The following LUZP2 variants were observed in gnomAD, a reference collection of about 807,000 sequenced individuals.
The protein encoded by LUZP2 is leucine zipper protein 2.
In LUZP2, 52 loss-of-function variants were observed where a neutral mutation model predicts 51.6. The ratio of observed to expected loss-of-function variants is 1.01; its 90% CI spans 0.81 to 1.27. The LOEUF is 1.27. Ranked by LOEUF, LUZP2 falls within the 50% of genes most tolerant of loss-of-function variation. The pLI, the probability that LUZP2 is intolerant of heterozygous loss-of-function variation, is 0.00. For synonymous variants in LUZP2, 154 were observed against 137.3 expected (o/e 1.12, Z -0.85); for missense variants, 436 against 395.4 (o/e 1.10, Z -0.87).
intron 5 of LUZP2, among the ~76,000 whole-genome samples, chr11:24,767,266 C>T (rs570392882): frequency 2.0e-5 from 3 of 152,158 alleles, no homozygotes; most frequent in South Asian, 4.1e-4. Flanking sequence ...TAATCTAAGT[C>T]TCTAGTTCTA....
intron 10 of LUZP2, among the ~76,000 whole-genome samples, chr11:25,069,153 CAT>C (rs1288241962): frequency 6.6e-6 from 1 of 151,802 alleles, no homozygotes; most frequent in African/African-American, 2.4e-5. Flanking sequence ...GAGACTGCAA[CAT>C]GTGAGGTGCT....
chr11:24,510,515 T>A (rs1161909730), intron 1 of LUZP2, among the ~76,000 whole-genome samples: 1 of 152,164 alleles, frequency 6.6e-6, no homozygotes, highest in Non-Finnish European at 1.5e-5. Flanking sequence ...TAAATTTAGT[T>A]CTCTCACACA....
At chr11:24,815,001 A>AT (rs1850135266) in intron 5 of LUZP2, among the ~76,000 whole-genome samples, 1 of 145,708 alleles carries the variant, frequency 6.9e-6, no homozygotes, top group African/African-American at 2.6e-5. Context: ...CAAAAAAAAA[A>AT]AAAAATAAAA....
intron 7 of LUZP2, 87 bp from the exon 8 acceptor site, chr11:24,976,504 A>G (rs1202086566): frequency 1.3e-5 from 10 of 746,592 alleles, no homozygotes; most frequent in Non-Finnish European, 2.0e-5. Flanking sequence ...CTCTCTTTTT[A>G]CAATTCTTTG....
chr11:24,741,115 C>T (rs1182899180), intron 4 of LUZP2, among the ~76,000 whole-genome samples: 2 of 152,062 alleles, frequency 1.3e-5, no homozygotes, highest in African/African-American at 4.8e-5. Context: ...ATTTCCTCAA[C>T]TCTATTTACA....
chr11:24,856,241 C>A (rs1036688138), intron 5 of LUZP2, among the ~76,000 whole-genome samples: 1 of 151,596 alleles, frequency 6.6e-6, no homozygotes, highest in African/African-American at 2.4e-5. Flanking sequence ...AGGAACTTAA[C>A]AACAAGAAAC....
At chr11:24,951,560 G>A (rs898890603) in intron 7 of LUZP2, among the ~76,000 whole-genome samples, 10 of 151,416 alleles carry the variant, frequency 6.6e-5, no homozygotes, top group African/African-American at 2.2e-4. Context: ...ATTGTTCCAC[G>A]TTTGTGCTTC....
intron 1 of LUZP2, among the ~76,000 whole-genome samples, chr11:24,624,597 G>A (rs571486086): frequency 1.3e-5 from 2 of 152,216 alleles, no homozygotes; most frequent in African/African-American, 2.4e-5. Context: ...TGGTAATGGC[G>A]AGAGGTTATT....
At chr11:24,537,169 A>G in intron 1 of LUZP2, among the ~76,000 whole-genome samples, 1 of 151,936 alleles carries the variant, frequency 6.6e-6, no homozygotes, top group East Asian at 1.9e-4. Flanking sequence ...AGTTTGAAAT[A>G]TTGTGAGAAT....
At chr11:24,591,578 A>T (rs1590215817) in intron 1 of LUZP2, among the ~76,000 whole-genome samples, 1 of 152,186 alleles carries the variant, frequency 6.6e-6, no homozygotes, top group African/African-American at 2.4e-5. Flanking sequence ...TCAAAGTCTG[A>T]CTTTGCCTGT....
intron 1 of LUZP2, among the ~76,000 whole-genome samples, chr11:24,665,927 ATTTT>A (rs111999558): frequency 5.3e-5 from 8 of 151,972 alleles, no homozygotes; most frequent in African/African-American, 1.7e-4. Flanking sequence ...GTTTGTTTCC[ATTTT>A]TTTTACTACT....
intron 5 of LUZP2, among the ~76,000 whole-genome samples, chr11:24,855,787 A>T (rs1851548079): frequency 1.3e-5 from 2 of 152,122 alleles, no homozygotes; most frequent in Non-Finnish European, 2.9e-5. Context: ...GGAGAAGAGA[A>T]AACTCAGAAA....
chr11:24,594,548 T>G (rs1853368275), intron 1 of LUZP2, among the ~76,000 whole-genome samples: 1 of 152,122 alleles, frequency 6.6e-6, no homozygotes, highest in Non-Finnish European at 1.5e-5. Flanking sequence ...CCTTTCTCTC[T>G]CTTACTTAAC....
intron 1 of LUZP2, among the ~76,000 whole-genome samples, chr11:24,664,562 G>T (rs998146221): frequency 6.6e-6 from 1 of 152,060 alleles, no homozygotes; most frequent in African/African-American, 2.4e-5. Context: ...CAGGTCTAAG[G>T]CCTAGGAGGG....
At chr11:24,792,195 G>T (rs1443659267) in intron 5 of LUZP2, among the ~76,000 whole-genome samples, 1 of 152,010 alleles carries the variant, frequency 6.6e-6, no homozygotes, top group Non-Finnish European at 1.5e-5. Flanking sequence ...TTGGGAGGTG[G>T]AGGCAGGCGG....
At chr11:24,845,840 A>G (rs1456476406) in intron 5 of LUZP2, among the ~76,000 whole-genome samples, 1 of 152,132 alleles carries the variant, frequency 6.6e-6, no homozygotes, top group Non-Finnish European at 1.5e-5. Context: ...ATGTGGAACC[A>G]TAAGTCTACG....
intron 4 of LUZP2, among the ~76,000 whole-genome samples, chr11:24,747,110 T>TG (rs1859410590): frequency 1.3e-5 from 2 of 151,932 alleles, no homozygotes; most frequent in South Asian, 4.1e-4. Flanking sequence ...TTTTTGGGGG[T>TG]GTTAAAGAGC....
chr11:24,499,793 A>G (rs968859350), intron 1 of LUZP2, among the ~76,000 whole-genome samples: 1 of 152,232 alleles, frequency 6.6e-6, no homozygotes, highest in Non-Finnish European at 1.5e-5. Flanking sequence ...TTGTTTCATT[A>G]TATCTTTCTC....
At position 24,611,223 on chromosome 11, in the gene LUZP2, C is replaced by T. The variant is rs1351975596; in HGVS notation, c.62+113918C>T. Reference sequence around the variant, plus strand: ...TTACTTTGTGCCGAGGTTGTGCTAGCTACTAAGACTGTAATGGTGCCTATA... The same window carrying T: ...TTACTTTGTGCCGAGGTTGTGCTAGTTACTAAGACTGTAATGGTGCCTATA... On this transcript the variant is annotated intron_variant, in intron 1 of 11. Transcript: ENST00000336930. The surrounding 1 kb of genome is among the most constrained non-coding windows in gnomAD (Gnocchi z 4.6). Among the ~76,000 whole-genome samples the T allele has an allele frequency of 1.3e-5, 2 of 152,002 alleles. No individual in the cohort carries two copies. The highest frequency in any genetic ancestry group is 2.9e-5 in the Non-Finnish European group (2 of 68,004).
Sources: allele counts gnomAD v4.1 joint callset (sites outside exome capture counted in the v4.1 genomes callset), GRCh38; gene constraint gnomAD v4.1.1; non-coding constraint Gnocchi (gnomAD v3.1); transcripts MANE v1.5; gene names NCBI Gene and HGNC (gene_info 2026-07-23, HGNC 2026-07-21).